Variants in AGMO observed in about 807,000 individuals in gnomAD.
AGMO encodes the protein glyceryl-ether monooxygenase.
In AGMO, 75 loss-of-function variants were observed where a neutral mutation model predicts 60.2. The ratio of observed to expected loss-of-function variants is 1.25; its 90% CI spans 1.03 to 1.51. AGMO has a LOEUF of 1.51. AGMO is among the 40% of genes most tolerant of loss of function. The pLI, the probability that AGMO is intolerant of heterozygous loss-of-function variation, is 0.00. For synonymous variants in AGMO, 261 were observed against 177.1 expected (o/e 1.47, Z -3.76); for missense variants, 763 against 525.5 (o/e 1.45, Z -4.42).
intron 3 of AGMO, among the ~76,000 whole-genome samples, chr7:15,497,031 T>G (rs1356502149): frequency 6.6e-6 from 1 of 152,108 alleles, no homozygotes; most frequent in Non-Finnish European, 1.5e-5. Flanking sequence ...TGAGATGGAT[T>G]TTATAAAAAG....
chr7:15,322,721 TAA>T (rs201708467), intron 12 of AGMO, among the ~76,000 whole-genome samples: 756 of 41,016 alleles, frequency 0.018, 96 homozygotes, highest in African/African-American at 0.09. Context: ...TATAAATATA[TAA>T]ATATATATAT....
At chr7:15,383,335 T>C (rs1479096753) in intron 10 of AGMO, among the ~76,000 whole-genome samples, 1 of 152,142 alleles carries the variant, frequency 6.6e-6, no homozygotes, top group African/African-American at 2.4e-5. Context: ...GGGTCCGCAC[T>C]GTCTAAAGAA....
intron 3 of AGMO, among the ~76,000 whole-genome samples, chr7:15,525,955 G>A (rs1184224718): frequency 2.0e-5 from 3 of 152,200 alleles, no homozygotes; most frequent in African/African-American, 7.2e-5. Context: ...GGAGTTGCTT[G>A]CAACACGCCT....
chr7:15,502,423 A>G (rs867323212), intron 3 of AGMO, among the ~76,000 whole-genome samples: 4 of 151,930 alleles, frequency 2.6e-5, no homozygotes, highest in African/African-American at 9.7e-5. Flanking sequence ...AGAGAGAGAC[A>G]ATTTATAATA....
At chr7:15,559,804 G>C (rs17168828) in intron 2 of AGMO, among the ~76,000 whole-genome samples, 1 of 151,876 alleles carries the variant, frequency 6.6e-6, no homozygotes, top group African/African-American at 2.4e-5. Flanking sequence ...GGCTACACCC[G>C]AGACAGCTAT....
the AGMO span, among the ~76,000 whole-genome samples, chr7:15,171,281 T>G: frequency 1.3e-5 from 2 of 152,152 alleles, no homozygotes; most frequent in African/African-American, 4.8e-5. Context: ...ACGCCCTACC[T>G]TGGGTTACGG....
At chr7:15,278,911 T>A (rs1783881246) in intron 12 of AGMO, among the ~76,000 whole-genome samples, 1 of 152,096 alleles carries the variant, frequency 6.6e-6, no homozygotes, top group South Asian at 2.1e-4. Context: ...ATGGACCCCA[T>A]TTAGCAGTGG....
intron 12 of AGMO, among the ~76,000 whole-genome samples, chr7:15,307,533 T>C (rs1780651313): frequency 6.6e-6 from 1 of 152,028 alleles, no homozygotes; most frequent in Non-Finnish European, 1.5e-5. Context: ...TAGTTTTTTT[T>C]TTCTTATGAA....
At chr7:15,196,977 G>T (rs947356248), downstream of AGMO, among the ~76,000 whole-genome samples, 1 of 151,968 alleles carries the variant, frequency 6.6e-6, no homozygotes, top group Admixed American at 6.6e-5. Flanking sequence ...AATGTAAGTT[G>T]TTAGGAAGAA....
At position 15,560,195 on chromosome 7, in the gene AGMO, C is replaced by A. The variant is rs144754984; in HGVS notation, c.203G>T (p.Arg68Leu). 3.7e-6 allele frequency: 6 copies of A among 1,613,072 alleles called. No individual in the cohort carries two copies. In the African/African-American group the frequency reaches 4.0e-5, roughly 11 times the overall value. The change falls in exon 2 of 13, where the codon CGC becomes CTC. Residue 68 changes from arginine to leucine, a missense_variant. Arg to Leu is a moderately radical substitution (Grantham distance 102). Transcript: ENST00000342526. Reference protein sequence around the residue: ...SWILKGKPPGRLDDALTSISA... With the variant: ...SWILKGKPPGLLDDALTSISA... ...GATTGACGTTAAAGCATCATCCAGG[C>A]GACCTGGTGGCTTTCCTTTGAGAAT... is the stretch of plus-strand genomic sequence containing the variant.
At chr7:15,393,288 C>T (rs62441409) in intron 6 of AGMO, among the ~76,000 whole-genome samples, 38,754 of 152,020 alleles carry the variant, frequency 0.25, 5,576 homozygotes, top group Middle Eastern at 0.39. Context: ...TCAGGGTTGC[C>T]GAGGAAGACT....
intron 12 of AGMO, among the ~76,000 whole-genome samples, chr7:15,295,356 T>G (rs1299212098): frequency 6.6e-6 from 1 of 152,098 alleles, no homozygotes; most frequent in Middle Eastern, 3.4e-3. Flanking sequence ...GTTCTAAATC[T>G]GAAGAAAGGG....
intron 3 of AGMO, among the ~76,000 whole-genome samples, chr7:15,440,571 T>C (rs973302718): frequency 5.3e-5 from 8 of 152,206 alleles, no homozygotes; most frequent in African/African-American, 1.9e-4. Context: ...TCATCTTATT[T>C]TCCATATTTA....
intron 3 of AGMO, among the ~76,000 whole-genome samples, chr7:15,457,816 C>A (rs184864107): frequency 7.1e-4 from 108 of 152,196 alleles, no homozygotes; most frequent in African/African-American, 2.5e-3. Context: ...TCTACTTTAA[C>A]CAAGTTCTAT....
chr7:15,194,495 G>A, the AGMO span, among the ~76,000 whole-genome samples: 1 of 151,938 alleles, frequency 6.6e-6, no homozygotes, highest in Admixed American at 6.6e-5. Flanking sequence ...TCCCCTTTGA[G>A]CATGAATATC....
At chr7:15,214,096 T>C (rs1247236418) in intron 12 of AGMO, among the ~76,000 whole-genome samples, 2 of 151,914 alleles carry the variant, frequency 1.3e-5, no homozygotes, top group Non-Finnish European at 2.9e-5. Context: ...CAATGAGACA[T>C]AAAGGAGGGA....
chr7:15,515,463 C>T (rs547724711), intron 3 of AGMO, among the ~76,000 whole-genome samples: 5 of 152,302 alleles, frequency 3.3e-5, no homozygotes, highest in South Asian at 2.1e-4. Context: ...TCCCAGAGCC[C>T]GTTAAATCCC....
intron 3 of AGMO, among the ~76,000 whole-genome samples, chr7:15,483,758 A>G (rs1410127556): frequency 6.6e-6 from 1 of 152,184 alleles, no homozygotes; most frequent in Admixed American, 6.5e-5. Flanking sequence ...ACACTCACAA[A>G]TTGATTTATA....
chr7:15,343,053 G>C lies in AGMO; in HGVS notation c.1263+22461C>G, dbSNP rs116909465. ...TGAAAAGGTACCTAATATTATACAA[G>C]TGGAAAACCTTAAGAAAATTTATAC... is the stretch of plus-strand genomic sequence containing the variant. On this transcript the variant is annotated intron_variant, in intron 12 of 12. Transcript: ENST00000342526. Among the ~76,000 whole-genome samples, 18 of 152,060 alleles carry C rather than the reference G, an allele frequency of 1.2e-4. No individual in the cohort carries two copies. The East Asian group carries it at 3.5e-3, about 29-fold the overall frequency.
Sources: allele counts gnomAD v4.1 joint callset (sites outside exome capture counted in the v4.1 genomes callset), GRCh38; gene constraint gnomAD v4.1.1; transcripts MANE v1.5; gene names NCBI Gene and HGNC (gene_info 2026-07-23, HGNC 2026-07-21).